The following RC3H2 variants were observed in gnomAD, a reference collection of about 807,000 sequenced individuals.
The protein encoded by RC3H2 is ring finger and CCCH-type domains 2, also known as roquin-2.
In RC3H2, 31 loss-of-function variants were observed where a neutral mutation model predicts 133.3. That is an observed-to-expected ratio of 0.23 (90% CI 0.17 to 0.31). The LOEUF is 0.31. Among genes scored for constraint, RC3H2 ranks in the 10% least tolerant of loss-of-function variants. The pLI is 1.00. For missense variants in RC3H2, 1,175 were observed against 1,437.2 expected (o/e 0.82, Z 2.95); for synonymous variants, 517 against 502.2 (o/e 1.03, Z -0.40).
Position 122,850,435 on chromosome 9 carries a change from T to TATAGATAGATAGATAGATAGATAGATAG in RC3H2, c.3381-614_3381-613insCTATCTATCTATCTATCTATCTATCTAT, listed in dbSNP as rs6151170. The stretch of plus-strand genomic sequence containing the variant: ...TATACTATATTATATGCTATCTATC[T>TATAGATAGATAGATAGATAGATAGATAG]ATAGATAGATAGATAGATAGATAAT... On this transcript the variant is annotated intron_variant, in intron 20 of 20. Transcript: ENST00000357244. 9.2e-3 allele frequency among the ~76,000 whole-genome samples: 1,373 copies of TATAGATAGATAGATAGATAGATAGATAG among 149,968 alleles called. 8 individuals are homozygous for TATAGATAGATAGATAGATAGATAGATAG. Among genetic ancestry groups the TATAGATAGATAGATAGATAGATAGATAG allele is most frequent in the African/African-American group, 0.017 (704 of 40,316 alleles).
In RC3H2 at chr9:122,865,658, C is replaced by T; in HGVS notation, c.1326-1G>A. 1 of 1,605,086 alleles carries T rather than the reference C, an allele frequency of 6.2e-7. No homozygotes were observed. Among genetic ancestry groups the T allele is most frequent in the Non-Finnish European group, 8.5e-7 (1 of 1,176,394 alleles). On this transcript the variant is annotated splice_acceptor_variant, in intron 9 of 20. Coordinates refer to ENST00000357244, the MANE Select transcript of RC3H2 (RefSeq NM_001100588.3). LOFTEE classifies it high-confidence loss of function. ...GATCTTTTTGTTCCTTAATCGATAC[C>T]TGTTTCAAAAACAATCAACAGATTG... is the stretch of plus-strand genomic sequence containing the variant.
intron 2 of RC3H2, among the ~76,000 whole-genome samples, chr9:122,893,780 A>G (rs1832298369): frequency 6.6e-6 from 1 of 152,120 alleles, no homozygotes; most frequent in South Asian, 2.1e-4. Context: ...CCTTTTTACT[A>G]TATTATTTAC....
At chr9:122,904,716 G>T (rs1832774467) in intron 1 of RC3H2, among the ~76,000 whole-genome samples, 1 of 152,210 alleles carries the variant, frequency 6.6e-6, no homozygotes, top group Non-Finnish European at 1.5e-5. Context: ...GTCTCGGGAA[G>T]CCCCAGGGCA....
intron 4 of RC3H2, among the ~76,000 whole-genome samples, chr9:122,888,166 T>C (rs1832011318): frequency 6.6e-6 from 1 of 152,214 alleles, no homozygotes; most frequent in Non-Finnish European, 1.5e-5. Flanking sequence ...ACCAGAATTA[T>C]GAACAATATG....
chr9:122,866,554 G>A (rs958098611), intron 9 of RC3H2, among the ~76,000 whole-genome samples: 1 of 151,988 alleles, frequency 6.6e-6, no homozygotes, highest in African/African-American at 2.4e-5. Flanking sequence ...GCAGGCGCGC[G>A]CCGCCACGCC....
In RC3H2 at chr9:122,866,803, T is replaced by C. The variant is rs564403860; in HGVS notation, c.1326-1146A>G. On this transcript the variant is annotated intron_variant, in intron 9 of 20. Coordinates refer to ENST00000357244, the MANE Select transcript of RC3H2 (RefSeq NM_001100588.3). ...GCCTTGGCCTCCCAAAGTGCTGAGA[T>C]TGCAGCCTATGCCCGGCCGCCACCC... 1.2e-4 allele frequency among the ~76,000 whole-genome samples: 18 copies of C among 152,306 alleles called. 1 individual carries two copies. The East Asian group carries it at 3.1e-3, about 26-fold the overall frequency.
intron 9 of RC3H2, 109 bp from the exon 10 acceptor site, chr9:122,865,766 G>T: frequency 1.1e-6 from 1 of 899,734 alleles, no homozygotes; most frequent in South Asian, 1.7e-5. Context: ...AAACAGTTTT[G>T]ACAAAAAGTT....
chr9:122,885,878 TTTTGTTTTG>T (rs1425203911), intron 4 of RC3H2, among the ~76,000 whole-genome samples: 5 of 152,024 alleles, frequency 3.3e-5, no homozygotes, highest in African/African-American at 9.7e-5. Flanking sequence ...TTTTGTTTTG[TTTTGTTTTG>T]TTTGTTTTGT....
chr9:122,866,447 G>C (rs1295237591), intron 9 of RC3H2, among the ~76,000 whole-genome samples: 3 of 141,880 alleles, frequency 2.1e-5, no homozygotes, highest in Non-Finnish European at 4.5e-5. Flanking sequence ...GTCTCCCTCT[G>C]ATGCCGAGCC....
rs770218643 is a variant in RC3H2, at chr9:122,845,688, G to T, written c.*3939C>A. The T allele has an allele frequency of 1.6e-4, 24 of 152,144 alleles. No homozygotes were observed. Among genetic ancestry groups the T allele is most frequent in the Non-Finnish European group, 3.1e-4 (21 of 68,014 alleles). The allele number at this position is 152,144 out of a possible 1,614,324, so 9.4% of individuals were successfully genotyped here. ...GCCAGCAAAGGGATACAAGGAAGAC[G>T]CTAGTATAAAGACATTACTAGCAAA... On this transcript the variant is annotated 3_prime_UTR_variant, in exon 21 of 21. Transcript: ENST00000357244.
At chr9:122,871,207 T>G (rs571443830) in intron 9 of RC3H2, among the ~76,000 whole-genome samples, 1 of 152,304 alleles carries the variant, frequency 6.6e-6, no homozygotes, top group Admixed American at 6.5e-5. Context: ...GGCCTAGGTC[T>G]CAAGCCCATT....
At chr9:122,880,157 T>C (rs760639839) in intron 6 of RC3H2, 32 bp from the exon 7 acceptor site, 7 of 1,610,800 alleles carry the variant, frequency 4.3e-6, no homozygotes, top group Non-Finnish European at 3.4e-6. Flanking sequence ...GCTTTTTACT[T>C]TGGTTCTTAT....
chr9:122,865,157 A>G (rs955766021), intron 10 of RC3H2, among the ~76,000 whole-genome samples, 192 bp downstream of exon 10: 1 of 152,188 alleles, frequency 6.6e-6, no homozygotes, highest in South Asian at 2.1e-4. Context: ...CCACTTTCCA[A>G]GTTCACAGGG....
At chr9:122,852,211 C>T (rs1369120819) in intron 18 of RC3H2, among the ~76,000 whole-genome samples, 5 of 150,890 alleles carry the variant, frequency 3.3e-5, no homozygotes, top group African/African-American at 9.8e-5. Flanking sequence ...AGGTGAGGAG[C>T]GTCTCTGCCC....
At position 122,868,910 on chromosome 9, in the gene RC3H2, TTTTG is replaced by T. The variant is rs1248438724; in HGVS notation, c.1326-3257_1326-3254del. On this transcript the variant is annotated intron_variant, in intron 9 of 20. Coordinates refer to ENST00000357244, the MANE Select transcript of RC3H2 (RefSeq NM_001100588.3). Reference sequence around the variant, plus strand: ...GTGTGTATGTGTTTTTTTTTTTTTTTTTTGTGGGGGGGTTAAGTTCCACTCTTGT... The same window carrying T: ...GTGTGTATGTGTTTTTTTTTTTTTTTTGGGGGGGTTAAGTTCCACTCTTGT... Among the ~76,000 whole-genome samples the T allele has an allele frequency of 9.7e-5, 12 of 124,190 alleles. No individual in the cohort carries two copies. The East Asian group carries it at 3.2e-3, about 34-fold the overall frequency. The allele number at this position is 124,190 out of a possible 152,430, so 81.5% of individuals were successfully genotyped here.
Position 122,858,174 on chromosome 9 carries a change from T to A in RC3H2, c.2284-81A>T, listed in dbSNP as rs993396225. On this transcript the variant is annotated intron_variant, in intron 12 of 20. Coordinates refer to ENST00000357244, the MANE Select transcript of RC3H2 (RefSeq NM_001100588.3). ...AACTGTGTGAAAATGATGTAAACAG[T>A]TTATGATATTGTTGGGATAAAAAAA... is the stretch of plus-strand genomic sequence containing the variant. 3.1e-6 allele frequency: 4 copies of A among 1,298,358 alleles called. No individual in the cohort carries two copies. In the Admixed American group the frequency reaches 8.4e-5, roughly 27 times the overall value. 80.4% of individuals were successfully genotyped at this position (1,298,358 alleles called of 1,614,324 possible).
In RC3H2 at chr9:122,845,388, G is replaced by A. The variant is rs1337218479; in HGVS notation, c.*4239C>T. The stretch of plus-strand genomic sequence containing the variant: ...ACAGTATAATTGTTTGCCCAGCTAA[G>A]AGAATGCATGCACTTCCATGCCTTG... On this transcript the variant is annotated 3_prime_UTR_variant, in exon 21 of 21. Coordinates refer to ENST00000357244, the MANE Select transcript of RC3H2 (RefSeq NM_001100588.3). 1 of 152,188 alleles carries A rather than the reference G, an allele frequency of 6.6e-6. No individual in the cohort carries two copies. The highest frequency in any genetic ancestry group is 1.5e-5 in the Non-Finnish European group (1 of 68,026). 9.4% of individuals were successfully genotyped at this position (152,188 alleles called of 1,614,324 possible).
intron 9 of RC3H2, chr9:122,875,060 T>C (rs1831272804): frequency 1.8e-6 from 2 of 1,115,116 alleles, no homozygotes; most frequent in African/African-American, 3.1e-5. Context: ...CTATTTCAGG[T>C]ATGGACAAGC....
chr9:122,868,912 T>TGTGGGGGGGTTAAGTTCCACTC, intron 9 of RC3H2, among the ~76,000 whole-genome samples: 1 of 126,136 alleles, frequency 7.9e-6, no homozygotes, highest in Non-Finnish European at 1.6e-5. Context: ...TTTTTTTTTT[T>TGTGGGGGGGTTAAGTTCCACTC]TGTGGGGGGG....
Sources: allele counts gnomAD v4.1 joint callset (sites outside exome capture counted in the v4.1 genomes callset), GRCh38; gene constraint gnomAD v4.1.1; transcripts MANE v1.5; gene names NCBI Gene and HGNC (gene_info 2026-07-23, HGNC 2026-07-21).